Variants in WWOX observed in about 807,000 individuals in gnomAD.
WWOX encodes the protein WW domain-containing oxidoreductase.
In WWOX, 69 loss-of-function variants were observed where a neutral mutation model predicts 46.2. That is an observed-to-expected ratio of 1.49 (90% CI 1.23 to 1.82). The LOEUF (loss-of-function observed/expected upper bound fraction) is 1.82, where lower values mean the gene tolerates loss of function less well. Ranked by LOEUF, WWOX falls within the 40% of genes most tolerant of loss-of-function variation. WWOX has a pLI of 0.00. For missense variants in WWOX, 919 were observed against 542.6 expected (o/e 1.69, Z -6.89); for synonymous variants, 359 against 202.6 (o/e 1.77, Z -6.56).
intron 5 of WWOX, among the ~76,000 whole-genome samples, chr16:78,316,673 C>G (rs1285362513): frequency 6.6e-6 from 1 of 152,110 alleles, no homozygotes; most frequent in African/African-American, 2.4e-5. Context: ...GAAAATGGGA[C>G]TTGTTAACTT....
At chr16:78,822,452 C>G (rs73577436) in intron 8 of WWOX, among the ~76,000 whole-genome samples, 5 of 151,020 alleles carry the variant, frequency 3.3e-5, no homozygotes, top group African/African-American at 1.2e-4. Flanking sequence ...TGAGACTGCG[C>G]CAGTGTACTC....
chr16:78,467,275 G>A (rs2084102231), intron 8 of WWOX, among the ~76,000 whole-genome samples: 1 of 152,104 alleles, frequency 6.6e-6, no homozygotes, highest in Non-Finnish European at 1.5e-5. Context: ...AGATATGCAT[G>A]TATGTGTATG....
At chr16:78,958,268 T>A (rs2046208428) in intron 8 of WWOX, among the ~76,000 whole-genome samples, 2 of 152,196 alleles carry the variant, frequency 1.3e-5, no homozygotes, top group South Asian at 4.1e-4. Flanking sequence ...TTTAATGTCA[T>A]CTTTAATTTA....
chr16:78,513,834 C>T (rs1444534530), intron 8 of WWOX, among the ~76,000 whole-genome samples: 5 of 152,012 alleles, frequency 3.3e-5, no homozygotes, highest in Non-Finnish European at 7.3e-5. Context: ...TTGGAATCAA[C>T]CTTACAGGGA....
At position 78,282,390 on chromosome 16, in the gene WWOX, C is replaced by G. The variant is rs542473139; in HGVS notation, c.517-104470C>G. Among the ~76,000 whole-genome samples, 25 of 152,278 alleles carry G rather than the reference C, an allele frequency of 1.6e-4. No individual in the cohort carries two copies. In the South Asian group the frequency reaches 2.1e-3, roughly 13 times the overall value. ...TTCAAAAAGGAGCCTGTTGGATGGT[C>G]TCTTACTAGTGGTCAGCAAAGAACA... On this transcript the variant is annotated intron_variant, in intron 5 of 8. Coordinates refer to ENST00000566780, the MANE Select transcript of WWOX (RefSeq NM_016373.4).
chr16:78,290,597 T>G (rs1453295327), intron 5 of WWOX, among the ~76,000 whole-genome samples: 1 of 152,116 alleles, frequency 6.6e-6, no homozygotes, highest in Non-Finnish European at 1.5e-5. Context: ...TACTTTGAAT[T>G]TTAAATTACA....
intron 8 of WWOX, among the ~76,000 whole-genome samples, chr16:78,530,907 A>G (rs1368548782): frequency 1.3e-5 from 2 of 152,238 alleles, no homozygotes; most frequent in African/African-American, 4.8e-5. Flanking sequence ...ATCTCACTTA[A>G]TTTCACAACT....
At chr16:78,451,690 T>C (rs969032983) in intron 8 of WWOX, among the ~76,000 whole-genome samples, 1 of 152,258 alleles carries the variant, frequency 6.6e-6, no homozygotes, top group African/African-American at 2.4e-5. Flanking sequence ...TAGTGGATAC[T>C]AAAGCAATGC....
chr16:78,384,416 C>G (rs980894591), intron 5 of WWOX, among the ~76,000 whole-genome samples: 2 of 152,138 alleles, frequency 1.3e-5, no homozygotes, highest in East Asian at 3.9e-4. Flanking sequence ...GGTATTGAAA[C>G]ATTTACACTT....
chr16:78,240,986 C>T lies in WWOX; in HGVS notation c.516+76697C>T, dbSNP rs544706335. Among the ~76,000 whole-genome samples, 9 of 152,256 alleles carry T rather than the reference C, an allele frequency of 5.9e-5. No individual in the cohort carries two copies. The South Asian group carries it at 6.2e-4, about 11-fold the overall frequency. ...AACTTGCAATTTGGGGATCTCTCAA[C>T]GTCCTGACCTCCATCTCAGTGGGCA... On this transcript the variant is annotated intron_variant, in intron 5 of 8. Coordinates refer to ENST00000566780, the MANE Select transcript of WWOX (RefSeq NM_016373.4).
intron 8 of WWOX, among the ~76,000 whole-genome samples, chr16:79,030,133 A>G (rs1321272117): frequency 6.6e-6 from 1 of 152,232 alleles, no homozygotes; most frequent in Non-Finnish European, 1.5e-5. Context: ...GTTCACCAGA[A>G]TTTTATGAAT....
intron 8 of WWOX, among the ~76,000 whole-genome samples, chr16:79,136,620 C>T (rs949780407): frequency 6.6e-6 from 1 of 152,156 alleles, no homozygotes; most frequent in Non-Finnish European, 1.5e-5. Flanking sequence ...AAGCTACCTG[C>T]CCTTCACTGG....
At chr16:79,155,849 C>G (rs904434881) in intron 8 of WWOX, among the ~76,000 whole-genome samples, 1 of 150,740 alleles carries the variant, frequency 6.6e-6, no homozygotes, top group Non-Finnish European at 1.5e-5. Flanking sequence ...TTATAGAGGA[C>G]TAATACATAT....
At chr16:78,300,970 A>G (rs920308612) in intron 5 of WWOX, among the ~76,000 whole-genome samples, 4 of 151,850 alleles carry the variant, frequency 2.6e-5, no homozygotes, top group Non-Finnish European at 5.9e-5. Flanking sequence ...CCATCCATCC[A>G]TACATTTATC....
At chr16:78,255,786 C>T (rs1292354875) in intron 5 of WWOX, among the ~76,000 whole-genome samples, 3 of 152,096 alleles carry the variant, frequency 2.0e-5, no homozygotes, top group African/African-American at 4.8e-5. Flanking sequence ...TGTACTCCTC[C>T]CAGTAGCTTT....
intron 8 of WWOX, among the ~76,000 whole-genome samples, chr16:78,626,691 C>T (rs2046319409): frequency 6.6e-6 from 1 of 152,102 alleles, no homozygotes; most frequent in Admixed American, 6.5e-5. Flanking sequence ...CCAGCTCATG[C>T]TTGTGGAGTG....
chr16:78,200,208 T>C (rs1011587704), intron 5 of WWOX, among the ~76,000 whole-genome samples: 7 of 152,202 alleles, frequency 4.6e-5, no homozygotes, highest in African/African-American at 1.7e-4. Context: ...GACCCTGATC[T>C]CCTCTGCACG....
intron 8 of WWOX, among the ~76,000 whole-genome samples, chr16:79,021,616 G>A (rs2047535284): frequency 3.9e-5 from 6 of 152,180 alleles, no homozygotes; most frequent in Admixed American, 2.6e-4. Context: ...CGACTCTCGC[G>A]TGATAGGAAA....
intron 6 of WWOX, among the ~76,000 whole-genome samples, chr16:78,400,261 A>C (rs553308797): frequency 1.3e-5 from 2 of 152,322 alleles, no homozygotes; most frequent in East Asian, 3.9e-4. Context: ...CAGAAGTACA[A>C]GTTATGCATA....
Sources: gnomAD v4.1 joint callset for allele counts (sites outside exome capture counted in the v4.1 genomes callset) on GRCh38, gnomAD v4.1.1 for gene constraint, MANE v1.5 for transcripts, NCBI Gene and HGNC (gene_info 2026-07-23, HGNC 2026-07-21) for gene names.